CIB4: variants seen among roughly 807,000 people sequenced by gnomAD.
CIB4 encodes calcium and integrin binding family member 4.
Under a neutral mutation model 25.8 loss-of-function variants are expected in CIB4, and 25 were observed. The ratio of observed to expected loss-of-function variants is 0.97; its 90% CI spans 0.71 to 1.35. The LOEUF is 1.35. CIB4 is among the 40% of genes most tolerant of loss of function. CIB4 has a pLI of 0.00. For missense variants in CIB4, 235 were observed against 228.2 expected (o/e 1.03, Z -0.19); for synonymous variants, 75 against 81.4 (o/e 0.92, Z 0.42).
chr2:26,623,531 A>C (rs867609502), intron 3 of CIB4: 2 of 471,616 alleles, frequency 4.2e-6, no homozygotes, highest in Non-Finnish European at 4.4e-6. Context: ...AGCAGGACTC[A>C]GAAAGGCTCG....
At chr2:26,599,116 A>G (rs1444543896) in intron 3 of CIB4, among the ~76,000 whole-genome samples, 1 of 152,232 alleles carries the variant, frequency 6.6e-6, no homozygotes, top group Non-Finnish European at 1.5e-5. Flanking sequence ...GAAGTCTTCA[A>G]TCCTCCAGAG....
chr2:26,613,052 C>T (rs976687074), intron 3 of CIB4, among the ~76,000 whole-genome samples: 24 of 152,180 alleles, frequency 1.6e-4, no homozygotes. Flanking sequence ...TCCCCAAGGC[C>T]TAGGGGACTT....
At chr2:26,607,311 A>C (rs1402739829) in intron 3 of CIB4, among the ~76,000 whole-genome samples, 1 of 152,204 alleles carries the variant, frequency 6.6e-6, no homozygotes, top group Non-Finnish European at 1.5e-5. Flanking sequence ...CAATATTTTA[A>C]TAGTGCAACT....
intron 3 of CIB4, among the ~76,000 whole-genome samples, chr2:26,608,170 G>A (rs1440597346): frequency 2.0e-5 from 3 of 151,448 alleles, no homozygotes; most frequent in African/African-American, 2.4e-5. Context: ...CCCAGGAGAC[G>A]GGAAGGTTGC....
At chr2:26,619,860 A>C (rs1186666826) in intron 3 of CIB4, among the ~76,000 whole-genome samples, 3 of 146,398 alleles carry the variant, frequency 2.0e-5, no homozygotes, top group Non-Finnish European at 4.5e-5. Flanking sequence ...AGACTCTGTG[A>C]CTGAGGAAGC....
chr2:26,610,291 T>C (rs1407523689), intron 3 of CIB4, among the ~76,000 whole-genome samples: 1 of 152,236 alleles, frequency 6.6e-6, no homozygotes, highest in African/African-American at 2.4e-5. Flanking sequence ...TTGATCTATT[T>C]TGTCCCTCAC....
rs146460215 is a variant in CIB4, at chr2:26,600,402, T to G, written c.187-5085A>C. Among the ~76,000 whole-genome samples, 796 of 152,264 alleles carry G rather than the reference T, an allele frequency of 5.2e-3. 18 individuals carry two copies. In the East Asian group the frequency reaches 0.075, roughly 14 times the overall value. ...TTGGGTGACAGAGCAAGACTCTGAC[T>G]CAAAAATAAATAAATAAATAAACAA... On this transcript the variant is annotated intron_variant, in intron 3 of 6. Transcript: ENST00000288861.
chr2:26,623,870 A>G (rs1287240296), intron 3 of CIB4, among the ~76,000 whole-genome samples: 2 of 152,220 alleles, frequency 1.3e-5, no homozygotes, highest in Non-Finnish European at 2.9e-5. Flanking sequence ...GAAACTAGAA[A>G]CCCAAGTCAC....
chr2:26,617,745 C>T (rs1304811239), intron 3 of CIB4, among the ~76,000 whole-genome samples: 2 of 151,912 alleles, frequency 1.3e-5, no homozygotes, highest in Non-Finnish European at 2.9e-5. Flanking sequence ...ATCAAAGAGC[C>T]CCCTGCGGCT....
At chr2:26,599,037 A>G (rs774580792) in intron 3 of CIB4, among the ~76,000 whole-genome samples, 1 of 152,216 alleles carries the variant, frequency 6.6e-6, no homozygotes, top group Non-Finnish European at 1.5e-5. Context: ...AATAGTCTGA[A>G]ATCTGAACGA....
At chr2:26,604,863 A>C (rs1396438100) in intron 3 of CIB4, among the ~76,000 whole-genome samples, 1 of 152,198 alleles carries the variant, frequency 6.6e-6, no homozygotes, top group Non-Finnish European at 1.5e-5. Flanking sequence ...TTGATAGAAC[A>C]AGTAGGACCT....
intron 3 of CIB4, among the ~76,000 whole-genome samples, chr2:26,600,198 A>C (rs952651232): frequency 6.8e-6 from 1 of 147,218 alleles, no homozygotes. Flanking sequence ...TGAGGTCAGG[A>C]GTTCAAGACC....
Position 26,618,476 on chromosome 2 carries a change from G to A in CIB4, c.186+10934C>T, listed in dbSNP as rs540446836. Among the ~76,000 whole-genome samples, 12 of 152,190 alleles carry A rather than the reference G, an allele frequency of 7.9e-5. No homozygotes were observed. In the East Asian group the frequency reaches 2.3e-3, roughly 29 times the overall value. On this transcript the variant is annotated intron_variant, in intron 3 of 6. Coordinates refer to ENST00000288861, the MANE Select transcript of CIB4 (RefSeq NM_001029881.3). ...AATTTTTTATTTTTTGTAGAGAAAG[G>A]ATCTCACTATGCAACATAGTGAGAT...
chr2:26,585,337 G>A (rs1325704984), intron 4 of CIB4, among the ~76,000 whole-genome samples: 1 of 152,030 alleles, frequency 6.6e-6, no homozygotes, highest in Admixed American at 6.5e-5. Context: ...TGACTGGCAT[G>A]GTGTGAGGGG....
At chr2:26,621,745 T>C (rs1053453320) in intron 3 of CIB4, among the ~76,000 whole-genome samples, 1 of 152,060 alleles carries the variant, frequency 6.6e-6, no homozygotes, top group African/African-American at 2.4e-5. Flanking sequence ...GAATCTGAGA[T>C]GGTCATGAAA....
chr2:26,610,491 C>T (rs1393183626), intron 3 of CIB4, among the ~76,000 whole-genome samples: 2 of 152,180 alleles, frequency 1.3e-5, no homozygotes, highest in African/African-American at 2.4e-5. Flanking sequence ...ATTTTTGAAA[C>T]CCCCAGCTTT....
At chr2:26,639,260 A>G (rs1477914775) in intron 2 of CIB4, among the ~76,000 whole-genome samples, 1 of 151,544 alleles carries the variant, frequency 6.6e-6, no homozygotes, top group East Asian at 1.9e-4. Context: ...GGTTTGTTAC[A>G]TAGGTATACA....
At position 26,595,332 on chromosome 2, in the gene CIB4, A is replaced by T. The variant is rs1230424990; in HGVS notation, c.187-15T>A. The T allele has an allele frequency of 1.9e-6, 3 of 1,607,188 alleles. No individual in the cohort carries two copies. The highest frequency in any genetic ancestry group is 2.6e-6 in the Non-Finnish European group (3 of 1,174,584). ...AAAGGGTTGACCTGTGGGCGACAGGAGGAGCAGGGAGGAGGTCTATCAGGG... is the reference window on the plus strand; with the variant it reads ...AAAGGGTTGACCTGTGGGCGACAGGTGGAGCAGGGAGGAGGTCTATCAGGG... On this transcript the variant is annotated splice_polypyrimidine_tract_variant and intron_variant, in intron 3 of 6. Transcript: ENST00000288861.
intron 3 of CIB4, among the ~76,000 whole-genome samples, chr2:26,614,453 C>T (rs571478116): frequency 2.0e-5 from 3 of 152,298 alleles, no homozygotes; most frequent in African/African-American, 7.2e-5. Flanking sequence ...ATTAGCGTGT[C>T]ATTTGCACTA....
Sources: gnomAD v4.1 joint callset for allele counts (sites outside exome capture counted in the v4.1 genomes callset) on GRCh38, gnomAD v4.1.1 for gene constraint, MANE v1.5 for transcripts, NCBI Gene and HGNC (gene_info 2026-07-23, HGNC 2026-07-21) for gene names.